The following CFAP43 variants were observed in gnomAD, a reference collection of about 807,000 sequenced individuals.
CFAP43 encodes the protein cilia and flagella associated protein 43, also known as cilia- and flagella-associated protein 43.
A neutral mutation model predicts 218.9 loss-of-function variants in CFAP43; 155 were observed. The ratio of observed to expected loss-of-function variants is 0.71; its 90% CI spans 0.62 to 0.81. The LOEUF is 0.81. Among genes scored for constraint, CFAP43 ranks in the 30% least tolerant of loss-of-function variants. The pLI, the probability that CFAP43 is intolerant of heterozygous loss-of-function variation, is 0.00. For synonymous variants in CFAP43, 645 were observed against 681.3 expected (o/e 0.95, Z 0.83); for missense variants, 1,778 against 1,954.3 (o/e 0.91, Z 1.70).
intron 3 of CFAP43, among the ~76,000 whole-genome samples, chr10:104,224,959 C>T (rs1274582740): frequency 3.3e-5 from 5 of 151,952 alleles, no homozygotes; most frequent in African/African-American, 7.3e-5. Flanking sequence ...AAGTTGGCCA[C>T]GTGAAATGAT....
intron 10 of CFAP43, 110 bp downstream of exon 10, chr10:104,196,743 T>G: frequency 3.4e-6 from 3 of 880,004 alleles, no homozygotes; most frequent in Non-Finnish European, 5.1e-6. Context: ...AAAAATGCAG[T>G]GAGGCTTCGG....
intron 17 of CFAP43, 77 bp downstream of exon 17, chr10:104,182,289 G>T: frequency 7.0e-7 from 1 of 1,435,176 alleles, no homozygotes; most frequent in Non-Finnish European, 9.2e-7. Flanking sequence ...TCTGCTTAAA[G>T]AAAACCACAA....
At chr10:104,182,273 TA>T in intron 17 of CFAP43, 92 bp downstream of exon 17, 1 of 1,337,040 alleles carries the variant, frequency 7.5e-7, no homozygotes, top group Middle Eastern at 1.9e-4. Context: ...GAAATATTAC[TA>T]AATATCTGCT....
intron 11 of CFAP43, 82 bp downstream of exon 11, chr10:104,193,778 CTTAAAA>C (rs962291472): frequency 3.0e-4 from 447 of 1,471,858 alleles, no homozygotes; most frequent in Middle Eastern, 1.5e-3. Context: ...ACACGTAAAA[CTTAAAA>C]TTAAAAGAAA....
intron 20 of CFAP43, 104 bp from the exon 21 acceptor site, chr10:104,168,952 G>A: frequency 1.1e-6 from 1 of 882,456 alleles, no homozygotes; most frequent in Non-Finnish European, 1.8e-6. Context: ...TGCACCTTCA[G>A]TGGTAGAGTT....
chr10:104,175,088 CAAAA>C (rs141434447), intron 19 of CFAP43, among the ~76,000 whole-genome samples: 11 of 142,916 alleles, frequency 7.7e-5, no homozygotes, highest in East Asian at 4.1e-4. Context: ...AACAAACAAA[CAAAA>C]AAAAACCAAA....
In CFAP43 at chr10:104,218,347, C is replaced by G. The variant is rs1417466066; in HGVS notation, c.417-3921G>C. Among the ~76,000 whole-genome samples, 3 of 98,614 alleles carry G rather than the reference C, an allele frequency of 3.0e-5. No individual in the cohort carries two copies. In the Admixed American group the frequency reaches 3.9e-4, roughly 13 times the overall value. The allele number at this position is 98,614 out of a possible 152,430, so 64.7% of individuals were successfully genotyped here. On this transcript the variant is annotated intron_variant, in intron 3 of 37. Transcript: ENST00000357060. The stretch of plus-strand genomic sequence containing the variant: ...TGGGTGACAGAGTGAGACTGTGTCT[C>G]AAAAAAAAAAAAAAAAAAAAAAAGG...
At chr10:104,157,641 T>C (rs981328665) in intron 27 of CFAP43, among the ~76,000 whole-genome samples, 10 of 151,930 alleles carry the variant, frequency 6.6e-5, no homozygotes, top group African/African-American at 2.4e-4. Flanking sequence ...ACTAGAGTTT[T>C]CACTGAAAAA....
chr10:104,211,652 G>A (rs1420089741), intron 5 of CFAP43, among the ~76,000 whole-genome samples: 3 of 152,100 alleles, frequency 2.0e-5, no homozygotes, highest in Non-Finnish European at 4.4e-5. Flanking sequence ...CGTCCTATCT[G>A]TGAGAATGAC....
chr10:104,159,367 A>G (rs1275511562), intron 27 of CFAP43, among the ~76,000 whole-genome samples: 1 of 152,220 alleles, frequency 6.6e-6, no homozygotes, highest in East Asian at 1.9e-4. Flanking sequence ...GAACTCAAGC[A>G]TTTCCTTCCA....
chr10:104,192,474 A>AC (rs2090258415), intron 11 of CFAP43, 172 bp from the exon 12 acceptor site: 17 of 590,128 alleles, frequency 2.9e-5, no homozygotes, highest in Non-Finnish European at 5.0e-5. Flanking sequence ...GGATATAATC[A>AC]TTGTACTTTA....
chr10:104,168,659 A>G (rs2089282000), intron 21 of CFAP43, 85 bp downstream of exon 21: 1 of 1,194,786 alleles, frequency 8.4e-7, no homozygotes, highest in Admixed American at 1.8e-5. Flanking sequence ...CTATGCCTGA[A>G]TTTTCTTAAA....
chr10:104,195,159 G>T (rs2090348111), intron 10 of CFAP43, among the ~76,000 whole-genome samples: 1 of 152,188 alleles, frequency 6.6e-6, no homozygotes, highest in Non-Finnish European at 1.5e-5. Flanking sequence ...TGCTGGACTG[G>T]GATCCCCCAG....
intron 3 of CFAP43, chr10:104,218,816 C>A (rs758360461): frequency 1.8e-6 from 1 of 546,230 alleles, no homozygotes; most frequent in South Asian, 1.4e-5. Flanking sequence ...TAGGGTGTTG[C>A]CCTCATCTCT....
chr10:104,197,843 T>A, intron 9 of CFAP43, 79 bp downstream of exon 9: 1 of 1,013,996 alleles, frequency 9.9e-7, no homozygotes, highest in Non-Finnish European at 1.5e-6. Flanking sequence ...AGTTACCCAA[T>A]AACATATAAA....
chr10:104,167,853 T>C, intron 21 of CFAP43, 116 bp from the exon 22 acceptor site: 1 of 646,982 alleles, frequency 1.5e-6, no homozygotes, highest in South Asian at 2.7e-5. Flanking sequence ...TATCATGTGT[T>C]AGTAAAATTG....
rs776610563 is a variant in CFAP43, at chr10:104,230,811, T to A, written c.98A>T (p.His33Leu). Residue 33 changes from histidine to leucine, a missense_variant, in exon 2 of 38, where the codon CAT becomes CTT. This residue lies in a region of CFAP43 where 1,553 missense variants were observed against 1,685.2 expected (regional missense o/e 0.92). Transcript: ENST00000357060. ...WVQGFPKQNVHFVNDNTICYP... is the reference protein window; with the variant it reads ...WVQGFPKQNVLFVNDNTICYP... ...GCAAATGGTGTTGTCGTTGACAAAA[T>A]GAACATTCTGCTTAGGGAATCCTTG... 3 of 1,613,450 alleles carry A rather than the reference T, an allele frequency of 1.9e-6. No individual in the cohort carries two copies. In the East Asian group the frequency reaches 6.7e-5, roughly 36 times the overall value.
intron 28 of CFAP43, among the ~76,000 whole-genome samples, chr10:104,149,785 A>G (rs1005146330): frequency 6.6e-6 from 1 of 152,226 alleles, no homozygotes; most frequent in Non-Finnish European, 1.5e-5. Context: ...TATAATTCAC[A>G]TACCATACAA....
chr10:104,155,842 G>A (rs574221379), intron 27 of CFAP43, among the ~76,000 whole-genome samples: 102 of 151,912 alleles, frequency 6.7e-4, no homozygotes, highest in Non-Finnish European at 1.2e-3. Flanking sequence ...GAACAGTAAG[G>A]AAATCAGTGG....
Sources: gnomAD v4.1 joint callset for allele counts (sites outside exome capture counted in the v4.1 genomes callset) on GRCh38, gnomAD v4.1.1 for gene constraint, gnomAD v4.1.1 regional missense constraint, MANE v1.5 for transcripts, NCBI Gene and HGNC (gene_info 2026-07-23, HGNC 2026-07-21) for gene names.